CADM2: variants seen among roughly 807,000 people sequenced by gnomAD.
The protein encoded by CADM2 is immunoglobulin superfamily member 4D.
Under a neutral mutation model 49.8 loss-of-function variants are expected in CADM2, and 12 were observed. The observed-to-expected ratio is 0.24, with a 90% CI of 0.15 to 0.39. The LOEUF is 0.39. Ranked by LOEUF, CADM2 falls within the 10% of genes least tolerant of loss-of-function variation. The pLI is 1.00. For synonymous variants in CADM2, 214 were observed against 175.4 expected (o/e 1.22, Z -1.74); for missense variants, 378 against 492.3 (o/e 0.77, Z 2.20).
chr3:85,907,925 A>AG (rs1346914627), intron 5 of CADM2, among the ~76,000 whole-genome samples: 1 of 151,412 alleles, frequency 6.6e-6, no homozygotes, highest in Non-Finnish European at 1.5e-5. Flanking sequence ...AAAAAAAAAA[A>AG]GAAGATATCT....
intron 3 of CADM2, among the ~76,000 whole-genome samples, chr3:85,810,820 G>A (rs1435022264): frequency 6.6e-6 from 1 of 152,100 alleles, no homozygotes; most frequent in Non-Finnish European, 1.5e-5. Flanking sequence ...GATTACAGGC[G>A]TGAACCACCA....
At chr3:85,076,303 T>TTGTGTGTGTGTGTGTGTGTGTGTG (rs71108205) in intron 1 of CADM2, among the ~76,000 whole-genome samples, 2 of 139,256 alleles carry the variant, frequency 1.4e-5, no homozygotes, top group African/African-American at 5.4e-5. Context: ...AAAAAAGAAA[T>TTGTGTGTGTGTGTGTGTGTGTGTG]TGTGTGTGTG....
rs554552519 is a variant in CADM2 at position 85,087,297 on chromosome 3, C to A, written c.61+127629C>A. ...TTATAGAATGAGTATAGGATAGAAA[C>A]AATTGTCTGATTAATTTTAGATTCT... On this transcript the variant is annotated intron_variant, in intron 1 of 9. Coordinates refer to ENST00000383699, the MANE Select transcript of CADM2 (RefSeq NM_001167675.2). Among the ~76,000 whole-genome samples, 4 of 152,202 alleles carry A rather than the reference C, an allele frequency of 2.6e-5. No homozygotes were observed. In the South Asian group the frequency reaches 8.3e-4, roughly 32 times the overall value.
intron 3 of CADM2, among the ~76,000 whole-genome samples, chr3:85,880,595 T>C (rs1232095270): frequency 3.9e-5 from 6 of 152,244 alleles, no homozygotes; most frequent in Non-Finnish European, 8.8e-5. Flanking sequence ...TAGTTCTTTT[T>C]CAGAAGTTGA....
At chr3:85,350,097 A>T (rs1238870896) in intron 1 of CADM2, among the ~76,000 whole-genome samples, 1 of 152,222 alleles carries the variant, frequency 6.6e-6, no homozygotes, top group Non-Finnish European at 1.5e-5. Context: ...AACACTAACG[A>T]GGACAGAGGA....
At chr3:85,087,613 C>T (rs1457354602) in intron 1 of CADM2, among the ~76,000 whole-genome samples, 1 of 152,118 alleles carries the variant, frequency 6.6e-6, no homozygotes, top group East Asian at 1.9e-4. Flanking sequence ...TCATCTTCAA[C>T]ATGTTACTCT....
At chr3:85,665,578 A>G (rs1281837856) in intron 1 of CADM2, among the ~76,000 whole-genome samples, 2 of 151,964 alleles carry the variant, frequency 1.3e-5, no homozygotes, top group Non-Finnish European at 2.9e-5. Flanking sequence ...TTTGCTACCA[A>G]TAGTTTTAAT....
chr3:85,979,320 A>C (rs1474507829), intron 8 of CADM2: 1 of 1,601,082 alleles, frequency 6.2e-7, no homozygotes, highest in Non-Finnish European at 8.5e-7. Context: ...TGGAAAGCAC[A>C]TTAACTGGAG....
chr3:84,974,840 A>G (rs2031709831), intron 1 of CADM2, among the ~76,000 whole-genome samples: 1 of 151,844 alleles, frequency 6.6e-6, no homozygotes, highest in South Asian at 2.1e-4. Context: ...ATTTTTTATT[A>G]TGTTTTTTAA....
intron 1 of CADM2, among the ~76,000 whole-genome samples, chr3:85,186,324 C>G (rs1188101305): frequency 1.3e-5 from 2 of 152,042 alleles, no homozygotes; most frequent in Non-Finnish European, 2.9e-5. Context: ...GTCAAAAACT[C>G]AATTTTGAAC....
intron 1 of CADM2, among the ~76,000 whole-genome samples, chr3:85,010,294 T>C (rs1274075337): frequency 1.3e-5 from 2 of 152,112 alleles, no homozygotes; most frequent in African/African-American, 4.8e-5. Context: ...ACAAAAACTA[T>C]TAAACCAATC....
intron 8 of CADM2, among the ~76,000 whole-genome samples, chr3:86,036,051 T>A (rs544750305): frequency 6.6e-6 from 1 of 152,232 alleles, no homozygotes; most frequent in South Asian, 2.1e-4. Flanking sequence ...TGCAACCTAA[T>A]TGCCTTTTAA....
At chr3:85,414,227 A>G (rs1324867374) in intron 1 of CADM2, among the ~76,000 whole-genome samples, 1 of 152,186 alleles carries the variant, frequency 6.6e-6, no homozygotes, top group Non-Finnish European at 1.5e-5. Context: ...GTTCTTTACG[A>G]TATCTCTTCT....
chr3:85,911,834 G>T (rs908964750), intron 5 of CADM2, among the ~76,000 whole-genome samples: 1 of 152,082 alleles, frequency 6.6e-6, no homozygotes, highest in Non-Finnish European at 1.5e-5. Flanking sequence ...CTGATTATAA[G>T]CTAGGTAAGC....
At position 85,201,545 on chromosome 3, in the gene CADM2, G is replaced by A. The variant is rs368752317; in HGVS notation, c.61+241877G>A. Among the ~76,000 whole-genome samples the A allele has an allele frequency of 1.1e-4, 17 of 152,174 alleles. 1 individual carries two copies. The East Asian group carries it at 2.3e-3, about 21-fold the overall frequency. Reference sequence around the variant, plus strand: ...AAATAATGCAATGATGAAGTTTGCCGCATTGATTGACTCCACCTTTCATTA... The same window carrying A: ...AAATAATGCAATGATGAAGTTTGCCACATTGATTGACTCCACCTTTCATTA... On this transcript the variant is annotated intron_variant, in intron 1 of 9. Coordinates refer to ENST00000383699, the MANE Select transcript of CADM2 (RefSeq NM_001167675.2).
intron 1 of CADM2, among the ~76,000 whole-genome samples, chr3:85,429,212 G>T (rs1483325985): frequency 3.9e-5 from 6 of 151,912 alleles, no homozygotes; most frequent in Non-Finnish European, 8.8e-5. Context: ...CTATTAGAAA[G>T]GTCTAATAAT....
chr3:85,829,066 C>A (rs1453115262), intron 3 of CADM2, among the ~76,000 whole-genome samples: 1 of 151,894 alleles, frequency 6.6e-6, no homozygotes, highest in Non-Finnish European at 1.5e-5. Context: ...AAAACTATAT[C>A]TCTACTTCTT....
At chr3:86,029,015 G>T (rs2107132354) in intron 8 of CADM2, among the ~76,000 whole-genome samples, 1 of 152,244 alleles carries the variant, frequency 6.6e-6, no homozygotes, top group East Asian at 1.9e-4. Context: ...AAGTGCCATG[G>T]TGAAAAGCGT....
intron 1 of CADM2, among the ~76,000 whole-genome samples, chr3:85,578,563 G>C (rs2062709202): frequency 6.6e-6 from 1 of 152,174 alleles, no homozygotes; most frequent in Admixed American, 6.5e-5. Flanking sequence ...TCAAGCACTT[G>C]AAACCATAAT....
Sources: gnomAD v4.1 joint callset for allele counts (sites outside exome capture counted in the v4.1 genomes callset) on GRCh38, gnomAD v4.1.1 for gene constraint, MANE v1.5 for transcripts, NCBI Gene and HGNC (gene_info 2026-07-23, HGNC 2026-07-21) for gene names.